SDK1: variants seen among roughly 807,000 people sequenced by gnomAD.
The protein encoded by SDK1 is protein sidekick-1.
SDK1 carries 157 observed loss-of-function variants against 245.5 expected under a neutral mutation model. The ratio of observed to expected loss-of-function variants is 0.64; its 90% confidence interval spans 0.56 to 0.73. The LOEUF is 0.73. Ranked by LOEUF, SDK1 falls within the 30% of genes least tolerant of loss-of-function variation. The pLI is 0.00. For synonymous variants in SDK1, 1,647 were observed against 1,278.5 expected (o/e 1.29, Z -6.15); for missense variants, 3,583 against 3,002.3 (o/e 1.19, Z -4.52).
intron 4 of SDK1, among the ~76,000 whole-genome samples, chr7:3,687,329 A>C (rs532674557): frequency 3.3e-5 from 5 of 151,942 alleles, no homozygotes; most frequent in Admixed American, 1.3e-4. Flanking sequence ...GGGTTTCACT[A>C]TGTTGGCCAG....
intron 5 of SDK1, among the ~76,000 whole-genome samples, chr7:3,838,786 G>A (rs1036688462): frequency 5.9e-5 from 9 of 152,124 alleles, no homozygotes; most frequent in Admixed American, 1.3e-4. Flanking sequence ...AGTGGGTGTC[G>A]ATCAAAATGT....
chr7:3,629,463 T>C (rs572020157), intron 2 of SDK1, among the ~76,000 whole-genome samples: 1 of 152,110 alleles, frequency 6.6e-6, no homozygotes, highest in Non-Finnish European at 1.5e-5. Context: ...CCAAGAAGAT[T>C]AGAGGCAATA....
intron 5 of SDK1, among the ~76,000 whole-genome samples, chr7:3,841,978 C>T (rs1030732792): frequency 2.6e-5 from 4 of 152,208 alleles, no homozygotes; most frequent in African/African-American, 9.7e-5. Flanking sequence ...ATGTCACCCA[C>T]CTCTTTAGTA....
chr7:3,556,943 A>G (rs1779606707), intron 1 of SDK1, among the ~76,000 whole-genome samples: 1 of 152,158 alleles, frequency 6.6e-6, no homozygotes, highest in Admixed American at 6.5e-5. Flanking sequence ...ACAATATCTC[A>G]TGTACCCCTT....
rs1554301839 is a variant in SDK1, at chr7:3,644,797, A to AAAAC, written c.713+2694_713+2695insACAA. On this transcript the variant is annotated intron_variant, in intron 4 of 44. Transcript: ENST00000404826. ...CCAAAAAAAAAAAAAAAAAAACAAA[A>AAAAC]AACAACAACAACGGCGGGGCAGGGG... 3.1e-3 allele frequency among the ~76,000 whole-genome samples: 405 copies of AAAAC among 131,500 alleles called. 16 individuals carry two copies. Among genetic ancestry groups the AAAAC allele is most frequent in the Non-Finnish European group, 4.4e-3 (270 of 60,828 alleles). 86.3% of individuals were successfully genotyped at this position (131,500 alleles called of 152,430 possible).
At chr7:3,863,649 C>A (rs1043413717) in intron 5 of SDK1, among the ~76,000 whole-genome samples, 1 of 152,166 alleles carries the variant, frequency 6.6e-6, no homozygotes, top group East Asian at 1.9e-4. Flanking sequence ...TCTGAATGTT[C>A]CTACTCTGTG....
At chr7:3,993,356 A>AT (rs932563753) in intron 14 of SDK1, among the ~76,000 whole-genome samples, 10 of 151,136 alleles carry the variant, frequency 6.6e-5, no homozygotes, top group South Asian at 2.1e-4. Context: ...TTTTCTTATG[A>AT]TTTTTTTTTC....
chr7:3,366,095 C>T (rs760104409), intron 1 of SDK1, among the ~76,000 whole-genome samples: 1 of 149,960 alleles, frequency 6.7e-6, no homozygotes, highest in Non-Finnish European at 1.5e-5. Context: ...TTTACCGATT[C>T]GATGTTAATA....
chr7:3,626,552 C>A lies in SDK1; in HGVS notation c.458+7313C>A, dbSNP rs1240341416. Among the ~76,000 whole-genome samples the A allele has an allele frequency of 2.0e-5, 3 of 152,232 alleles. No individual in the cohort carries two copies. In the East Asian group the frequency reaches 5.8e-4, roughly 29 times the overall value. On this transcript the variant is annotated intron_variant, in intron 2 of 44. Coordinates refer to ENST00000404826, the MANE Select transcript of SDK1 (RefSeq NM_152744.4). ...CTGGGTGGCCCAGGCCCTCATCTCA[C>A]CTTTTAGTTGCCTTGCCTTTGTAGG...
chr7:3,495,539 G>A (rs1321192458), intron 1 of SDK1, among the ~76,000 whole-genome samples: 2 of 152,174 alleles, frequency 1.3e-5, no homozygotes, highest in African/African-American at 2.4e-5. Flanking sequence ...GATTACAGGC[G>A]TGAGCCACTG....
chr7:3,332,034 T>C (rs1168176488), intron 1 of SDK1, among the ~76,000 whole-genome samples: 1 of 152,198 alleles, frequency 6.6e-6, no homozygotes, highest in Non-Finnish European at 1.5e-5. Flanking sequence ...GTATTAAGCC[T>C]CTTTATGCTT....
At chr7:3,399,247 C>G (rs917679505) in intron 1 of SDK1, among the ~76,000 whole-genome samples, 1 of 152,048 alleles carries the variant, frequency 6.6e-6, no homozygotes, top group African/African-American at 2.4e-5. Context: ...GGACTCCTTA[C>G]ATGAATATTT....
At chr7:3,349,731 C>T (rs947974452) in intron 1 of SDK1, among the ~76,000 whole-genome samples, 2 of 152,028 alleles carry the variant, frequency 1.3e-5, no homozygotes, top group African/African-American at 4.8e-5. Context: ...TCCCGAGTGG[C>T]TGGGCCTACA....
intron 1 of SDK1, among the ~76,000 whole-genome samples, chr7:3,554,140 G>T (rs1779509642): frequency 6.6e-6 from 1 of 152,152 alleles, no homozygotes; most frequent in Non-Finnish European, 1.5e-5. Flanking sequence ...ACTTCACCCA[G>T]AAACCACAGA....
At chr7:3,989,548 G>A (rs1376650047) in intron 14 of SDK1, among the ~76,000 whole-genome samples, 4 of 152,098 alleles carry the variant, frequency 2.6e-5, no homozygotes, top group Admixed American at 6.6e-5. Context: ...CACTTTATTC[G>A]GCCTGTGGTT....
chr7:3,480,682 A>G (rs1367965883), intron 1 of SDK1, among the ~76,000 whole-genome samples: 1 of 152,172 alleles, frequency 6.6e-6, no homozygotes, highest in Non-Finnish European at 1.5e-5. Flanking sequence ...TAGCGTGCAT[A>G]TGGATTGTAG....
chr7:3,307,244 A>T (rs1425284442), intron 1 of SDK1, among the ~76,000 whole-genome samples: 2 of 151,860 alleles, frequency 1.3e-5, no homozygotes, highest in African/African-American at 4.8e-5. Flanking sequence ...CTTTTTTTTA[A>T]AAAAAGGGCA....
rs1782498506 is a variant in SDK1, at chr7:3,509,238, C to A, written c.299-109842C>A. On this transcript the variant is annotated intron_variant, in intron 1 of 44. Coordinates refer to ENST00000404826, the MANE Select transcript of SDK1 (RefSeq NM_152744.4). ...GACCCCCAGGATACCACTTCTGTTA[C>A]AGATGCTTGGGGAGGGGTCCTCTGG... is the stretch of plus-strand genomic sequence containing the variant. 2.0e-5 allele frequency among the ~76,000 whole-genome samples: 3 copies of A among 152,156 alleles called. No homozygotes were observed. The South Asian group carries it at 6.2e-4, about 31-fold the overall frequency.
chr7:3,426,364 C>G (rs191657337), intron 1 of SDK1, among the ~76,000 whole-genome samples: 3 of 152,282 alleles, frequency 2.0e-5, no homozygotes, highest in Non-Finnish European at 4.4e-5. Flanking sequence ...AGAGTGGGTT[C>G]AGGTTGTAGG....
Sources: gnomAD v4.1 joint callset for allele counts (sites outside exome capture counted in the v4.1 genomes callset) on GRCh38, gnomAD v4.1.1 for gene constraint, MANE v1.5 for transcripts, NCBI Gene and HGNC (gene_info 2026-07-23, HGNC 2026-07-21) for gene names.